HDAC9: variants seen among roughly 807,000 people sequenced by gnomAD.
HDAC9 encodes the protein MEF-2 interacting transcription repressor (MITR) protein.
Under a neutral mutation model 139.4 loss-of-function variants are expected in HDAC9, and 41 were observed. The ratio of observed to expected loss-of-function variants is 0.29; its 90% CI spans 0.23 to 0.38. The LOEUF is 0.38. HDAC9 is among the 10% of genes least tolerant of loss of function. The probability of loss-of-function intolerance (pLI) is 1.00; values close to 1 mark genes in which losing one functional copy is unlikely to be tolerated. For missense variants in HDAC9, 1,147 were observed against 1,297.0 expected, an observed-to-expected ratio of 0.88 and a Z score of 1.78; for synonymous variants, 517 against 476.2, an observed-to-expected ratio of 1.09 and a Z score of -1.12.
chr7:18,799,104 C>T (rs530531058), intron 17 of HDAC9, among the ~76,000 whole-genome samples: 2 of 150,396 alleles, frequency 1.3e-5, no homozygotes, highest in East Asian at 3.9e-4. Flanking sequence ...CAGAGCCCCT[C>T]GGCAAAGGCT....
intron 2 of HDAC9, among the ~76,000 whole-genome samples, chr7:18,528,219 T>A (rs1445513312): frequency 6.7e-6 from 1 of 150,374 alleles, no homozygotes; most frequent in East Asian, 1.9e-4. Flanking sequence ...ATTGGGGAGG[T>A]CGAGGGTGCT....
At chr7:18,116,158 T>C (rs1185350575) in intron 1 of HDAC9, among the ~76,000 whole-genome samples, 1 of 152,228 alleles carries the variant, frequency 6.6e-6, no homozygotes, top group African/African-American at 2.4e-5. Flanking sequence ...AAATTTGATA[T>C]GCATTGCTTT....
At chr7:18,675,916 C>CTGGA (rs1562842476) in intron 12 of HDAC9, among the ~76,000 whole-genome samples, 1 of 152,002 alleles carries the variant, frequency 6.6e-6, no homozygotes, top group East Asian at 1.9e-4. Flanking sequence ...AAAAAGAATC[C>CTGGA]TGGATTTTTT....
At chr7:18,270,475 A>G (rs986677083) in intron 2 of HDAC9, among the ~76,000 whole-genome samples, 2 of 152,206 alleles carry the variant, frequency 1.3e-5, no homozygotes, top group Non-Finnish European at 2.9e-5. Flanking sequence ...AGAAAAGGCC[A>G]AGTACATTGG....
chr7:18,288,407 T>C (rs1797593839), upstream of HDAC9, among the ~76,000 whole-genome samples: 1 of 152,236 alleles, frequency 6.6e-6, no homozygotes, highest in Non-Finnish European at 1.5e-5. Context: ...TTGTTTCTTA[T>C]TCTAATACTA....
chr7:18,977,745 T>C (rs17435661), intron 25 of HDAC9, among the ~76,000 whole-genome samples: 6,949 of 152,194 alleles, frequency 0.046, 222 homozygotes, highest in Non-Finnish European at 0.073. Context: ...TTAGACAGAT[T>C]ATATCTATTG....
At chr7:18,526,487 A>G (rs1806968323) in intron 2 of HDAC9, among the ~76,000 whole-genome samples, 1 of 152,220 alleles carries the variant, frequency 6.6e-6, no homozygotes, top group Non-Finnish European at 1.5e-5. Flanking sequence ...TCCAGACTCT[A>G]GTAGTTGTAA....
chr7:18,157,304 C>G (rs1729834520), intron 1 of HDAC9, among the ~76,000 whole-genome samples: 1 of 152,032 alleles, frequency 6.6e-6, no homozygotes. Flanking sequence ...GAACATCACT[C>G]TAGGAGTAAT....
intron 8 of HDAC9, among the ~76,000 whole-genome samples, chr7:18,635,875 C>T (rs1329388137): frequency 6.6e-6 from 1 of 152,018 alleles, no homozygotes; most frequent in Non-Finnish European, 1.5e-5. Context: ...TGAGGCAACC[C>T]AGTTGATTTT....
At chr7:18,596,702 C>G (rs1021010465) in intron 6 of HDAC9, among the ~76,000 whole-genome samples, 6 of 152,020 alleles carry the variant, frequency 3.9e-5, no homozygotes, top group Non-Finnish European at 7.4e-5. Context: ...TAGAGTGACG[C>G]TTTGTTATTA....
chr7:18,220,442 T>A (rs144364990), intron 2 of HDAC9, among the ~76,000 whole-genome samples: 1 of 152,100 alleles, frequency 6.6e-6, no homozygotes, highest in Non-Finnish European at 1.5e-5. Flanking sequence ...CTCTTAAGTG[T>A]ATAGATACAT....
chr7:18,447,608 G>A (rs1249936331), intron 1 of HDAC9, among the ~76,000 whole-genome samples: 1 of 152,138 alleles, frequency 6.6e-6, no homozygotes, highest in Non-Finnish European at 1.5e-5. Context: ...TTATAAAGTT[G>A]AGATTATTTT....
At chr7:18,732,404 G>C (rs971541454) in intron 13 of HDAC9, among the ~76,000 whole-genome samples, 1 of 149,848 alleles carries the variant, frequency 6.7e-6, no homozygotes, top group East Asian at 1.9e-4. Context: ...ATTTGTATTT[G>C]TATACATATC....
At position 18,787,296 on chromosome 7, in the gene HDAC9, T is replaced by C. The variant is rs538941164; in HGVS notation, c.2215-6049T>C. Among the ~76,000 whole-genome samples the C allele has an allele frequency of 1.5e-3, 232 of 152,238 alleles. 2 individuals are homozygous for C. Among genetic ancestry groups the C allele is most frequent in the Non-Finnish European group, 3.0e-3 (207 of 68,008 alleles). On this transcript the variant is annotated intron_variant, in intron 16 of 25. Coordinates refer to ENST00000686413, the MANE Select transcript of HDAC9 (RefSeq NM_178425.4). ...TACTCAATCTCACCGAGTGTGTTTGTTCCCTCACACAGAAAGACTTTTTGT... is the reference window on the plus strand; with the variant it reads ...TACTCAATCTCACCGAGTGTGTTTGCTCCCTCACACAGAAAGACTTTTTGT...
intron 2 of HDAC9, among the ~76,000 whole-genome samples, chr7:18,278,034 A>G (rs974542574): frequency 2.0e-5 from 3 of 152,162 alleles, no homozygotes; most frequent in Admixed American, 2.0e-4. Flanking sequence ...CACTAGCAAC[A>G]TCGTACAAAC....
chr7:18,948,949 C>A, intron 23 of HDAC9: 1 of 368,080 alleles, frequency 2.7e-6, no homozygotes, highest in South Asian at 2.4e-5. Flanking sequence ...CTTGGTCAGT[C>A]ATTAGGAAGC....
intron 1 of HDAC9, among the ~76,000 whole-genome samples, chr7:18,478,309 G>T (rs1388962063): frequency 2.6e-5 from 4 of 152,114 alleles, no homozygotes; most frequent in African/African-American, 7.2e-5. Flanking sequence ...CTGACCTCGG[G>T]ATCCGCCTGC....
chr7:18,880,825 A>G (rs1799679664), intron 22 of HDAC9, among the ~76,000 whole-genome samples: 1 of 126,478 alleles, frequency 7.9e-6, no homozygotes, highest in Admixed American at 8.6e-5. Context: ...GATTTAAAAA[A>G]GAATAGTTAA....
chr7:18,157,106 G>T (rs1787268246), intron 1 of HDAC9, among the ~76,000 whole-genome samples: 1 of 152,128 alleles, frequency 6.6e-6, no homozygotes, highest in Non-Finnish European at 1.5e-5. Context: ...AAGAATTCAA[G>T]GTGGGAGATG....
Sources: gnomAD v4.1 joint callset for allele counts (sites outside exome capture counted in the v4.1 genomes callset) on GRCh38, gnomAD v4.1.1 for gene constraint, MANE v1.5 for transcripts, NCBI Gene and HGNC (gene_info 2026-07-23, HGNC 2026-07-21) for gene names.